SBF2: variants seen among roughly 807,000 people sequenced by gnomAD.
SBF2 encodes the protein myotubularin-related protein 13.
Under a neutral mutation model 225.2 loss-of-function variants are expected in SBF2, and 112 were observed. The ratio of observed to expected loss-of-function variants is 0.50; its 90% CI spans 0.43 to 0.58. The LOEUF (loss-of-function observed/expected upper bound fraction) is 0.58. Ranked by LOEUF, SBF2 falls within the 20% of genes least tolerant of loss-of-function variation. The pLI, the probability that SBF2 is intolerant of heterozygous loss-of-function variation, is 0.00. For synonymous variants in SBF2, 763 were observed against 773.3 expected (o/e 0.99, Z 0.22); for missense variants, 1,996 against 2,206.2 (o/e 0.90, Z 1.91).
At chr11:10,126,512 C>T (rs1953764235) in intron 2 of SBF2, among the ~76,000 whole-genome samples, 1 of 151,940 alleles carries the variant, frequency 6.6e-6, no homozygotes, top group African/African-American at 2.4e-5. Flanking sequence ...AAATATGGAG[C>T]ATGTGATCTG....
Position 9,992,424 on chromosome 11 carries a change from G to A in SBF2, c.1287C>T (p.Leu429=). Residue 429 remains leucine (L), a synonymous_variant, in exon 12 of 40, where the codon CTC becomes CTT. Transcript: ENST00000256190. The part of the protein sequence containing the change: ...ERGPPYRSCD[L]FDELVAFEVE... ...TTAATAAGAGCTATACCTCATCAAAGAGATCACAAGATCTATAAGGAGGAC... is the reference window on the plus strand; with the variant it reads ...TTAATAAGAGCTATACCTCATCAAAAAGATCACAAGATCTATAAGGAGGAC... 4 of 1,612,170 alleles carry A rather than the reference G, an allele frequency of 2.5e-6. No homozygotes were observed. The highest frequency in any genetic ancestry group is 3.4e-6 in the Non-Finnish European group (4 of 1,178,760).
At chr11:9,846,280 T>C (rs1057068419) in intron 23 of SBF2, among the ~76,000 whole-genome samples, 4 of 152,254 alleles carry the variant, frequency 2.6e-5, no homozygotes, top group East Asian at 1.9e-4. Flanking sequence ...ACAATTAGCA[T>C]AGAAGCCAAT....
rs369743938 is a variant in SBF2 at position 9,965,437 on chromosome 11, C to T, written c.1601-1555G>A. Among the ~76,000 whole-genome samples, 115 of 151,578 alleles carry T rather than the reference C, an allele frequency of 7.6e-4. 1 individual carries two copies. In the East Asian group the frequency reaches 0.017, roughly 23 times the overall value. On this transcript the variant is annotated intron_variant, in intron 14 of 39. Coordinates refer to ENST00000256190, the MANE Select transcript of SBF2 (RefSeq NM_030962.4). ...CCAAGTAGCTGGGATTACAGGCATG[C>T]GCCACCACACCCGGCTAATTTCGTA...
chr11:10,133,861 C>T (rs1290940186), intron 2 of SBF2, among the ~76,000 whole-genome samples: 1 of 152,244 alleles, frequency 6.6e-6, no homozygotes, highest in African/African-American at 2.4e-5. Context: ...AGCACGCTGT[C>T]ACCTCTCACT....
chr11:9,890,445 AAT>A (rs1455415637), intron 17 of SBF2, among the ~76,000 whole-genome samples: 1 of 152,154 alleles, frequency 6.6e-6, no homozygotes, highest in Non-Finnish European at 1.5e-5. Flanking sequence ...TTGAAGAAAA[AAT>A]ATGTTTCTCC....
At chr11:10,190,525 T>C (rs748003071) in intron 2 of SBF2, among the ~76,000 whole-genome samples, 6 of 152,198 alleles carry the variant, frequency 3.9e-5, no homozygotes, top group Non-Finnish European at 8.8e-5. Context: ...AATTTCTTTA[T>C]GTAAAAATGG....
At chr11:9,873,974 G>C (rs1027804540) in intron 17 of SBF2, among the ~76,000 whole-genome samples, 1 of 151,892 alleles carries the variant, frequency 6.6e-6, no homozygotes, top group Non-Finnish European at 1.5e-5. Context: ...GCTTGAACCC[G>C]TGGTCTCTCA....
At chr11:10,273,556 T>C (rs6484147) in intron 1 of SBF2, among the ~76,000 whole-genome samples, 74,709 of 152,080 alleles carry the variant, frequency 0.49, 18,713 homozygotes, top group Non-Finnish European at 0.54. Flanking sequence ...GTTATGACCA[T>C]GTTTCTAGGT....
chr11:10,188,102 G>A (rs1957010770), intron 2 of SBF2, among the ~76,000 whole-genome samples: 1 of 152,108 alleles, frequency 6.6e-6, no homozygotes, highest in South Asian at 2.1e-4. Flanking sequence ...AACCACATTA[G>A]TCTCTTAGAG....
chr11:10,060,919 T>A (rs977795667), intron 2 of SBF2, among the ~76,000 whole-genome samples: 1 of 152,056 alleles, frequency 6.6e-6, no homozygotes, highest in Non-Finnish European at 1.5e-5. Context: ...TCCCAGCTAC[T>A]CCGGAGGCTG....
chr11:10,274,932 G>A (rs1469608460), intron 1 of SBF2, among the ~76,000 whole-genome samples: 1 of 152,152 alleles, frequency 6.6e-6, no homozygotes, highest in Non-Finnish European at 1.5e-5. Flanking sequence ...GCACAGGCAC[G>A]TCAGTGGAAG....
chr11:10,293,906 C>T, intron 1 of SBF2, 109 bp downstream of exon 1: 2 of 843,116 alleles, frequency 2.4e-6, no homozygotes, highest in Non-Finnish European at 3.1e-6. Flanking sequence ...CTCCGAGACT[C>T]GGCCTGGCCC....
chr11:10,014,505 TAAAAAAAAAA>T (rs1181315538), intron 6 of SBF2, among the ~76,000 whole-genome samples: 1 of 70,806 alleles, frequency 1.4e-5, no homozygotes, highest in Non-Finnish European at 2.5e-5. Context: ...CCATTTCAAC[TAAAAAAAAAA>T]AAAAAAAAAA....
At chr11:9,804,657 T>C (rs1853691123) in intron 32 of SBF2, among the ~76,000 whole-genome samples, 1 of 152,214 alleles carries the variant, frequency 6.6e-6, no homozygotes, top group Non-Finnish European at 1.5e-5. Flanking sequence ...TCAGTCACTA[T>C]GGTTTTGCCC....
At chr11:10,045,897 C>T (rs1949841973) in intron 2 of SBF2, among the ~76,000 whole-genome samples, 1 of 152,050 alleles carries the variant, frequency 6.6e-6, no homozygotes, top group South Asian at 2.1e-4. Flanking sequence ...GAAGAAGTTA[C>T]AGTCAGCCCT....
intron 6 of SBF2, among the ~76,000 whole-genome samples, chr11:10,006,104 C>T (rs1311566143): frequency 6.6e-6 from 1 of 152,190 alleles, no homozygotes; most frequent in Non-Finnish European, 1.5e-5. Context: ...ACCCACACCA[C>T]CTATTCTCCT....
chr11:10,241,605 T>C (rs1179094902), intron 1 of SBF2, among the ~76,000 whole-genome samples: 1 of 152,092 alleles, frequency 6.6e-6, no homozygotes, highest in Non-Finnish European at 1.5e-5. Flanking sequence ...TTACAGATCC[T>C]ACTGACTTCA....
intron 1 of SBF2, among the ~76,000 whole-genome samples, chr11:10,292,442 G>A (rs1238648143): frequency 6.6e-6 from 1 of 152,116 alleles, no homozygotes; most frequent in African/African-American, 2.4e-5. Context: ...AGCACTTTGG[G>A]AGGCCGAGGC....
At chr11:10,122,872 T>C (rs1458588478) in intron 2 of SBF2, among the ~76,000 whole-genome samples, 1 of 152,230 alleles carries the variant, frequency 6.6e-6, no homozygotes, top group African/African-American at 2.4e-5. Flanking sequence ...CTCTATAGAA[T>C]AGCCTTAGTC....
Sources: gnomAD v4.1 joint callset for allele counts (sites outside exome capture counted in the v4.1 genomes callset) on GRCh38, gnomAD v4.1.1 for gene constraint, MANE v1.5 for transcripts, NCBI Gene and HGNC (gene_info 2026-07-23, HGNC 2026-07-21) for gene names.